Variants in TRMT44 observed in about 807,000 individuals in gnomAD.
TRMT44 encodes the protein tRNA methyltransferase 44 homolog, also known as probable tRNA (uracil-O(2)-)-methyltransferase.
A neutral mutation model predicts 77.3 loss-of-function variants in TRMT44; 78 were observed. The observed-to-expected ratio is 1.01, with a 90% CI of 0.84 to 1.22. The LOEUF is 1.22. TRMT44 is among the 50% of genes most tolerant of loss of function. The pLI is 0.00. For missense variants in TRMT44, 1,090 were observed against 964.4 expected, an observed-to-expected ratio of 1.13 and a Z score of -1.73; for synonymous variants, 391 against 383.3, an observed-to-expected ratio of 1.02 and a Z score of -0.23.
intron 6 of TRMT44, among the ~76,000 whole-genome samples, chr4:8,460,185 G>A (rs1355490667): frequency 6.6e-6 from 1 of 152,210 alleles, no homozygotes; most frequent in Non-Finnish European, 1.5e-5. Context: ...GCCGTCCTAG[G>A]ACAGGTTATA....
At chr4:8,485,934 G>C (rs576014526) in intron 2 of TRMT44, among the ~76,000 whole-genome samples, 1 of 152,156 alleles carries the variant, frequency 6.6e-6, no homozygotes, top group Non-Finnish European at 1.5e-5. Context: ...GGTAGCCCCC[G>C]TATCGATTAA....
At chr4:8,490,751 G>C (rs150259153) in intron 2 of TRMT44, among the ~76,000 whole-genome samples, 96 of 152,264 alleles carry the variant, frequency 6.3e-4, no homozygotes, top group Non-Finnish European at 1.2e-3. Context: ...AAGGGGCCCC[G>C]AGCGGGTTGC....
Position 8,441,455 on chromosome 4 carries a change from G to C in TRMT44, c.619+14G>C. On this transcript the variant is annotated intron_variant, in intron 1 of 10. Coordinates refer to ENST00000389737, the MANE Select transcript of TRMT44 (RefSeq NM_152544.3). ...TAGTCGTGCAAGGTAAGAGTGTTTT[G>C]ATAGTGGACGGATATGATTAGATAA... is the stretch of plus-strand genomic sequence containing the variant. The C allele has an allele frequency of 6.7e-7, 1 of 1,488,786 alleles. No homozygotes were observed. 92.2% of individuals were successfully genotyped at this position (1,488,786 alleles called of 1,614,324 possible).
chr4:8,500,333 A>G, the TRMT44 span, among the ~76,000 whole-genome samples: 13 of 152,080 alleles, frequency 8.5e-5, no homozygotes, highest in African/African-American at 2.2e-4. Context: ...CTCTACTAAA[A>G]ATGCAAAAAT....
chr4:8,480,291 G>A (rs573608115), downstream of TRMT44, among the ~76,000 whole-genome samples: 1 of 152,212 alleles, frequency 6.6e-6, no homozygotes, highest in Non-Finnish European at 1.5e-5. Context: ...ACCCAAGCAC[G>A]CACTGTGGAG....
chr4:8,492,137 G>C (rs1322557378), intron 2 of TRMT44, among the ~76,000 whole-genome samples: 1 of 152,202 alleles, frequency 6.6e-6, no homozygotes, highest in Admixed American at 6.5e-5. Context: ...CCTCCATATT[G>C]AAGATTTGCT....
chr4:8,516,130 C>T, the TRMT44 span, among the ~76,000 whole-genome samples: 1 of 152,150 alleles, frequency 6.6e-6, no homozygotes, highest in Admixed American at 6.5e-5. Flanking sequence ...CAAAAATGAA[C>T]TCAGTGCGGC....
chr4:8,494,798 C>CT (rs112868310), downstream of TRMT44, among the ~76,000 whole-genome samples: 8,816 of 147,476 alleles, frequency 0.06, 414 homozygotes, highest in African/African-American at 0.13. Flanking sequence ...AGGTATGAAG[C>CT]TTTTTTTTTT....
In TRMT44 at chr4:8,452,934, TTGTGGACCTGGGA is replaced by T. The variant is rs1297358673; in HGVS notation, c.1083_1095del (p.Asp361GlufsTer9). 6.5e-7 allele frequency: 1 copy of T among 1,533,618 alleles called. No individual in the cohort carries two copies. The highest frequency in any genetic ancestry group is 1.4e-5 in the African/African-American group (1 of 72,804). On this transcript the variant is annotated frameshift_variant, in exon 5 of 11. Coordinates refer to ENST00000389737, the MANE Select transcript of TRMT44 (RefSeq NM_152544.3). LOFTEE classifies it high-confidence loss of function. The surrounding 1 kb of genome is among the most constrained non-coding windows in gnomAD (Gnocchi z 5.7). ...AGGAGACTAACTGCCAGGCAGTCCT[TTGTGGACCTGGGA>T]TGTGGAAATGGCCTCCTGGTCCACA...
chr4:8,459,806 C>A (rs1009557660), intron 6 of TRMT44, among the ~76,000 whole-genome samples: 2 of 152,136 alleles, frequency 1.3e-5, no homozygotes, highest in Non-Finnish European at 2.9e-5. Context: ...TGACAAGAGC[C>A]CCTGCCTTTA....
Position 8,440,995 on chromosome 4 carries a change from GC to G in TRMT44, c.177del (p.Thr61LeufsTer61). On this transcript the variant is annotated frameshift_variant, in exon 1 of 11. Coordinates refer to ENST00000389737, the MANE Select transcript of TRMT44 (RefSeq NM_152544.3). LOFTEE classifies it high-confidence loss of function. ...SAALPCAEAR[G>X]PGTSAGSEQK... ...GCCCTGCCCTGCGCGGAGGCCCGCG[GC>G]CCCGGGACTAGCGCAGGCTCGGAGC... 6.6e-7 allele frequency: 1 copy of G among 1,520,860 alleles called. No individual in the cohort carries two copies. Among genetic ancestry groups the G allele is most frequent in the Non-Finnish European group, 8.8e-7 (1 of 1,141,246 alleles). The allele number at this position is 1,520,860 out of a possible 1,614,324, so 94.2% of individuals were successfully genotyped here. A position where few individuals can be genotyped will look rare whatever the true frequency, so the allele number is the denominator to read the frequency against.
chr4:8,475,491 T>G (rs374754087), intron 10 of TRMT44, among the ~76,000 whole-genome samples: 119 of 152,296 alleles, frequency 7.8e-4, no homozygotes, highest in African/African-American at 2.7e-3. Flanking sequence ...TCGGGTTTGC[T>G]GCTGCTTTGC....
At chr4:8,456,879 G>T (rs1268549118) in intron 6 of TRMT44, among the ~76,000 whole-genome samples, 1 of 152,124 alleles carries the variant, frequency 6.6e-6, no homozygotes, top group Non-Finnish European at 1.5e-5. Flanking sequence ...TGAGTTCCCA[G>T]ATGCCATTAA....
chr4:8,475,827 A>G lies in TRMT44; in HGVS notation c.2100A>G (p.Thr700=). 3.7e-6 allele frequency: 6 copies of G among 1,614,188 alleles called. No individual in the cohort carries two copies. Among genetic ancestry groups the G allele is most frequent in the Non-Finnish European group, 5.1e-6 (6 of 1,180,032 alleles). The stretch of plus-strand genomic sequence containing the variant: ...GGCGAGAGGAGACACTGTGGAAGAC[A>G]AAGCAACCGGAAGCGAAACAGAGAC... ...RDWREETLWK[T]KQPEAKQRLL... Residue 700 remains threonine (T), a synonymous_variant, in exon 11 of 11, where the codon ACA becomes ACG. Transcript: ENST00000389737.
At chr4:8,506,364 G>A in the TRMT44 span, among the ~76,000 whole-genome samples, 6 of 152,208 alleles carry the variant, frequency 3.9e-5, no homozygotes, top group Admixed American at 2.0e-4. Flanking sequence ...CCCAGAAAAC[G>A]GCATGGACTG....
In TRMT44 at chr4:8,447,065, G is replaced by A. The variant is rs995572435; in HGVS notation, c.734+475G>A. ...TAATTTTTGTATTTTCAGTAGAGAC[G>A]GGGTTTCGCCATGTTGGCCAGGCTG... On this transcript the variant is annotated intron_variant, in intron 2 of 10. Coordinates refer to ENST00000389737, the MANE Select transcript of TRMT44 (RefSeq NM_152544.3). Among the ~76,000 whole-genome samples, 4 of 152,058 alleles carry A rather than the reference G, an allele frequency of 2.6e-5. No individual in the cohort carries two copies. In the East Asian group the frequency reaches 5.8e-4, roughly 22 times the overall value.
chr4:8,506,642 C>T, the TRMT44 span, among the ~76,000 whole-genome samples: 10 of 152,328 alleles, frequency 6.6e-5, no homozygotes, highest in African/African-American at 1.9e-4. Flanking sequence ...CCAGGGGGAG[C>T]GGGCCAAGTG....
chr4:8,512,998 C>T, the TRMT44 span, among the ~76,000 whole-genome samples: 4 of 152,164 alleles, frequency 2.6e-5, no homozygotes, highest in East Asian at 1.9e-4. Flanking sequence ...CTGCAACCTC[C>T]GCCTCCTGGG....
chr4:8,493,915 G>A (rs1257825844), downstream of TRMT44, among the ~76,000 whole-genome samples: 1 of 150,538 alleles, frequency 6.6e-6, no homozygotes, highest in Non-Finnish European at 1.5e-5. Context: ...GTCAGTCACT[G>A]GCAATAATGA....
Sources: allele counts gnomAD v4.1 joint callset (sites outside exome capture counted in the v4.1 genomes callset), GRCh38; gene constraint gnomAD v4.1.1; non-coding constraint Gnocchi (gnomAD v3.1); transcripts MANE v1.5; gene names NCBI Gene and HGNC (gene_info 2026-07-23, HGNC 2026-07-21).